The following CCDC112 variants were observed in gnomAD, a reference collection of about 807,000 sequenced individuals.
CCDC112 encodes coiled-coil domain-containing protein 112.
A neutral mutation model predicts 66.3 loss-of-function variants in CCDC112; 40 were observed. That is an observed-to-expected ratio of 0.60 (90% CI 0.47 to 0.79). The LOEUF (loss-of-function observed/expected upper bound fraction) is 0.79. Ranked by LOEUF, CCDC112 falls within the 30% of genes least tolerant of loss-of-function variation. The probability of loss-of-function intolerance (pLI) is 0.00; values close to 1 mark genes in which losing one functional copy is unlikely to be tolerated. For synonymous variants in CCDC112, 214 were observed against 197.2 expected, an observed-to-expected ratio of 1.09 and a Z score of -0.71; for missense variants, 659 against 603.8, an observed-to-expected ratio of 1.09 and a Z score of -0.96.
chr5:115,278,267 G>A (rs1446110312), intron 3 of CCDC112, among the ~76,000 whole-genome samples: 1 of 151,904 alleles, frequency 6.6e-6, no homozygotes, highest in Non-Finnish European at 1.5e-5. Context: ...TATTCATTTG[G>A]ATAGATAGAC....
At chr5:115,269,490 GA>G (rs1242296653) in intron 8 of CCDC112, 1 of 495,712 alleles carries the variant, frequency 2.0e-6, no homozygotes, top group Non-Finnish European at 3.5e-6. Context: ...CAGAGTGAAA[GA>G]AAACGGTGCT....
At chr5:115,282,592 T>C (rs6594883) in intron 2 of CCDC112, among the ~76,000 whole-genome samples, 55,699 of 151,780 alleles carry the variant, frequency 0.37, 11,269 homozygotes, top group Non-Finnish European at 0.46. Flanking sequence ...TAAAAAAAAA[T>C]GCAGAGCAAT....
In CCDC112 at chr5:115,286,788, G is replaced by T. The variant is rs79513389; in HGVS notation, c.118-1880C>A. On this transcript the variant is annotated intron_variant, in intron 1 of 9. Coordinates refer to ENST00000379611, the MANE Select transcript of CCDC112 (RefSeq NM_001040440.3). Reference sequence around the variant, plus strand: ...AAATTAGCCAGGCATGGTGGTGTGAGGCCACCAGGAGGCCACCTCAGGAGG... The same window carrying T: ...AAATTAGCCAGGCATGGTGGTGTGATGCCACCAGGAGGCCACCTCAGGAGG... 1.6e-3 allele frequency among the ~76,000 whole-genome samples: 248 copies of T among 152,018 alleles called. 8 individuals carry two copies. The East Asian group carries it at 0.045, about 27-fold the overall frequency.
In CCDC112 at chr5:115,295,858, T is replaced by C. The variant is rs999412893; in HGVS notation, c.117+569A>G. ...GTGTGCCGCGTAAGGCGATTCATTTTAGGGAGATCATGGAAAGTCTCGCTG... is the reference window on the plus strand; with the variant it reads ...GTGTGCCGCGTAAGGCGATTCATTTCAGGGAGATCATGGAAAGTCTCGCTG... On this transcript the variant is annotated intron_variant, in intron 1 of 9. Transcript: ENST00000379611. The C allele has an allele frequency of 8.1e-6, 8 of 982,822 alleles. No individual in the cohort carries two copies. The African/African-American group carries it at 1.2e-4, about 15-fold the overall frequency. The allele number at this position is 982,822 out of a possible 1,614,324, so 60.9% of individuals were successfully genotyped here.
chr5:115,289,647 G>A (rs929797114), intron 1 of CCDC112, among the ~76,000 whole-genome samples: 1 of 152,194 alleles, frequency 6.6e-6, no homozygotes, highest in African/African-American at 2.4e-5. Context: ...TATTTTAGAT[G>A]TAAGACCCTT....
Position 115,275,606 on chromosome 5 carries a change from T to A in CCDC112, c.528A>T (p.Ile176=). ...TCTCTTCTTTAATTAGCTCTTCATATCTAAAATTTTAAAAATAAAGTTTGA... is the reference window on the plus strand; with the variant it reads ...TCTCTTCTTTAATTAGCTCTTCATAACTAAAATTTTAAAAATAAAGTTTGA... ...INTFKEEQRL[I]YEELIKEEKT... Residue 176 remains isoleucine, a splice_region_variant and synonymous_variant, in exon 6 of 10, where the codon ATA becomes ATT. Coordinates refer to ENST00000379611, the MANE Select transcript of CCDC112 (RefSeq NM_001040440.3). 5 of 1,539,520 alleles carry A rather than the reference T, an allele frequency of 3.2e-6. No homozygotes were observed. Among genetic ancestry groups the A allele is most frequent in the Non-Finnish European group, 3.5e-6 (4 of 1,137,392 alleles).
chr5:115,274,047 T>A (rs879277390), intron 6 of CCDC112, among the ~76,000 whole-genome samples: 3 of 152,162 alleles, frequency 2.0e-5, no homozygotes, highest in Non-Finnish European at 4.4e-5. Flanking sequence ...GTATACCATC[T>A]ATGGAATAAA....
rs765762178 is a variant in CCDC112 at position 115,271,545 on chromosome 5, C to T, written c.1000G>A (p.Val334Met). The T allele has an allele frequency of 2.0e-5, 32 of 1,608,376 alleles. No individual in the cohort carries two copies. Among genetic ancestry groups the T allele is most frequent in the Non-Finnish European group, 2.5e-5 (29 of 1,178,708 alleles). Residue 334 changes from valine to methionine, a missense_variant, in exon 7 of 10, where the codon GTG becomes ATG. Physicochemically the swap from Val to Met is conservative, Grantham distance 21 (BLOSUM62 1). Transcript: ENST00000379611. ...KLKEKADNTP[V>M]LFHNKQEDNQ... ...TCCTCTTGTTTATTATGAAAAAGCACAGGTGTGTTGTCTGCCTTTTCCTTT... is the reference window on the plus strand; with the variant it reads ...TCCTCTTGTTTATTATGAAAAAGCATAGGTGTGTTGTCTGCCTTTTCCTTT...
chr5:115,269,587 T>C (rs1207658082), intron 8 of CCDC112, 116 bp downstream of exon 8: 4 of 693,338 alleles, frequency 5.8e-6, no homozygotes, highest in Non-Finnish European at 9.4e-6. Context: ...GTATGAAATT[T>C]AAAGTAGATG....
chr5:115,288,106 G>A (rs1485507868), intron 1 of CCDC112, among the ~76,000 whole-genome samples: 3 of 151,438 alleles, frequency 2.0e-5, no homozygotes, highest in Admixed American at 6.6e-5. Context: ...TCAGCCTCCC[G>A]AGTAGCTGGG....
At chr5:115,282,717 CT>C (rs1749508343) in intron 2 of CCDC112, among the ~76,000 whole-genome samples, 1 of 152,050 alleles carries the variant, frequency 6.6e-6, no homozygotes, top group African/African-American at 2.4e-5. Flanking sequence ...AGTGGGTTAT[CT>C]GAGTGGAAAG....
intron 6 of CCDC112, among the ~76,000 whole-genome samples, chr5:115,273,410 C>T (rs767131308): frequency 2.0e-5 from 3 of 152,098 alleles, no homozygotes; most frequent in South Asian, 2.1e-4. Flanking sequence ...CTTAAAACTC[C>T]GTAGATTTAA....
At position 115,267,750 on chromosome 5, in the gene CCDC112, T is replaced by A. The variant is rs1159045374; in HGVS notation, c.*126A>T. The stretch of plus-strand genomic sequence containing the variant: ...CTCATGAAACTTAATACCTCTCAAT[T>A]CACAATATAGCACAATAATCAATCT... On this transcript the variant is annotated 3_prime_UTR_variant, in exon 10 of 10. Transcript: ENST00000379611. The A allele has an allele frequency of 3.8e-6, 3 of 789,894 alleles. No individual in the cohort carries two copies. The highest frequency in any genetic ancestry group is 2.3e-5 in the Admixed American group (1 of 44,116). The allele number at this position is 789,894 out of a possible 1,614,324, so 48.9% of individuals were successfully genotyped here.
intron 6 of CCDC112, among the ~76,000 whole-genome samples, chr5:115,272,428 T>G (rs1229714112): frequency 6.6e-6 from 1 of 152,234 alleles, no homozygotes; most frequent in East Asian, 1.9e-4. Flanking sequence ...TGCCATTTAC[T>G]AGGTGTGGCA....
At chr5:115,277,199 T>C (rs1749243716) in intron 3 of CCDC112, 145 bp from the exon 4 acceptor site, 3 of 547,380 alleles carry the variant, frequency 5.5e-6, no homozygotes, top group South Asian at 4.5e-5. Context: ...AAAACATTAA[T>C]ACTTTAAGTA....
intron 1 of CCDC112, among the ~76,000 whole-genome samples, chr5:115,286,433 A>G (rs1489421836): frequency 6.6e-6 from 1 of 152,118 alleles, no homozygotes; most frequent in Non-Finnish European, 1.5e-5. Flanking sequence ...CATTTTCTTT[A>G]TCTACTCATC....
intron 3 of CCDC112, among the ~76,000 whole-genome samples, chr5:115,278,810 T>TC (rs1230074208): frequency 6.6e-6 from 1 of 152,130 alleles, no homozygotes; most frequent in East Asian, 1.9e-4. Context: ...AAGAAAAAAA[T>TC]CACTAAGAAT....
At chr5:115,269,396 G>T (rs1748906055) in intron 8 of CCDC112, among the ~76,000 whole-genome samples, 1 of 152,100 alleles carries the variant, frequency 6.6e-6, no homozygotes, top group African/African-American at 2.4e-5. Flanking sequence ...GAGAGATTAA[G>T]CAATGCTCAT....
At chr5:115,278,658 TAAAG>T (rs1285906314) in intron 3 of CCDC112, among the ~76,000 whole-genome samples, 1 of 151,958 alleles carries the variant, frequency 6.6e-6, no homozygotes, top group African/African-American at 2.4e-5. Flanking sequence ...CTGAGGGAAA[TAAAG>T]AAATATTGAA....
Sources: gnomAD v4.1 joint callset for allele counts (sites outside exome capture counted in the v4.1 genomes callset) on GRCh38, gnomAD v4.1.1 for gene constraint, MANE v1.5 for transcripts, NCBI Gene and HGNC (gene_info 2026-07-23, HGNC 2026-07-21) for gene names.